Variants in DHRS7B observed in about 807,000 individuals in gnomAD.
DHRS7B encodes the protein dehydrogenase/reductase 7B, also known as peroxisomal reductase activating PPAR-gamma.
In DHRS7B, 24 loss-of-function variants were observed where a neutral mutation model predicts 26.4. The ratio of observed to expected loss-of-function variants is 0.91; its 90% CI spans 0.66 to 1.28. The LOEUF is 1.28. Among genes scored for constraint, DHRS7B ranks in the 50% most tolerant of loss-of-function variants. DHRS7B has a pLI of 0.00. For synonymous variants in DHRS7B, 142 were observed against 166.4 expected (o/e 0.85, Z 1.13); for missense variants, 368 against 419.4 (o/e 0.88, Z 1.07).
In DHRS7B at chr17:21,147,331, G is replaced by A. The variant is rs1482214780; in HGVS notation, c.20+20340G>A. Among the ~76,000 whole-genome samples the A allele has an allele frequency of 3.9e-5, 6 of 152,138 alleles. No individual in the cohort carries two copies. The East Asian group carries it at 9.6e-4, about 24-fold the overall frequency. On this transcript the variant is annotated intron_variant, in intron 1 of 6. Coordinates refer to ENST00000395511, the MANE Select transcript of DHRS7B (RefSeq NM_015510.5). The stretch of plus-strand genomic sequence containing the variant: ...AAGTACACATGGAAGTCAGCCCACT[G>A]AACATGGGCTGACAAAAAGAGTGGA...
intron 1 of DHRS7B, among the ~76,000 whole-genome samples, chr17:21,141,760 A>G (rs991916557): frequency 6.6e-6 from 1 of 151,796 alleles, no homozygotes; most frequent in African/African-American, 2.4e-5. Context: ...GAGGAGTTAT[A>G]CAGCAAAATA....
At chr17:21,166,871 C>T (rs1443762600) in intron 1 of DHRS7B, among the ~76,000 whole-genome samples, 1 of 152,162 alleles carries the variant, frequency 6.6e-6, no homozygotes, top group African/African-American at 2.4e-5. Flanking sequence ...TTCTTACAGA[C>T]CTGAAATTGT....
chr17:21,138,101 T>TATACACACACACACAC (rs1555536219), intron 1 of DHRS7B, among the ~76,000 whole-genome samples: 5 of 86,110 alleles, frequency 5.8e-5, no homozygotes, highest in Non-Finnish European at 8.1e-5. Context: ...TATATATATA[T>TATACACACACACACAC]ACACACACAC....
intron 1 of DHRS7B, among the ~76,000 whole-genome samples, chr17:21,142,288 C>T (rs951062083): frequency 6.6e-6 from 1 of 152,156 alleles, no homozygotes; most frequent in African/African-American, 2.4e-5. Context: ...TTCACAGTGT[C>T]TTTCCATACC....
chr17:21,153,754 A>C (rs533608246), intron 1 of DHRS7B, among the ~76,000 whole-genome samples: 1 of 152,288 alleles, frequency 6.6e-6, no homozygotes, highest in African/African-American at 2.4e-5. Context: ...GGGGAAGGGC[A>C]TGTAATCCCA....
At chr17:21,147,883 T>G (rs1973675848) in intron 1 of DHRS7B, among the ~76,000 whole-genome samples, 1 of 151,954 alleles carries the variant, frequency 6.6e-6, no homozygotes, top group African/African-American at 2.4e-5. Flanking sequence ...TGTAGGAGGT[T>G]TCACCTACAG....
At chr17:21,172,434 C>CG in intron 2 of DHRS7B, 1 of 102,334 alleles carries the variant, frequency 9.8e-6, no homozygotes, top group Non-Finnish European at 1.8e-5. Flanking sequence ...CAGCCTGGCC[C>CG]CGGGGGTGGG....
At position 21,183,697 on chromosome 17, in the gene DHRS7B, T is replaced by C. The variant is rs777434900; in HGVS notation, c.413T>C (p.Ile138Thr). The C allele has an allele frequency of 1.2e-6, 2 of 1,614,206 alleles. No individual in the cohort carries two copies. The highest frequency in any genetic ancestry group is 2.2e-5 in the South Asian group (2 of 91,088). ...EILQCFGYVD[I>T]LVNNAGISYR... ...CTGCAGTGCTTTGGCTATGTCGACATACTTGTCAACAATGCTGGGATCAGC... is the reference window on the plus strand; with the variant it reads ...CTGCAGTGCTTTGGCTATGTCGACACACTTGTCAACAATGCTGGGATCAGC... Residue 138 changes from isoleucine to threonine, a missense_variant, in exon 4 of 7, where the codon ATA becomes ACA. Coordinates refer to ENST00000395511, the MANE Select transcript of DHRS7B (RefSeq NM_015510.5).
intron 1 of DHRS7B, among the ~76,000 whole-genome samples, chr17:21,144,048 G>A (rs1973587076): frequency 6.6e-6 from 1 of 152,202 alleles, no homozygotes; most frequent in Non-Finnish European, 1.5e-5. Context: ...TATGGCAGGA[G>A]GCTCCAGACA....
chr17:21,129,321 T>C (rs868228338), intron 1 of DHRS7B, among the ~76,000 whole-genome samples: 9 of 151,742 alleles, frequency 5.9e-5, no homozygotes, highest in Middle Eastern at 6.8e-3. Context: ...AAGGACTGAG[T>C]TGGAGTTAAA....
At chr17:21,131,555 A>C (rs1284948527) in intron 1 of DHRS7B, among the ~76,000 whole-genome samples, 1 of 152,210 alleles carries the variant, frequency 6.6e-6, no homozygotes, top group Admixed American at 6.5e-5. Context: ...CTGCTTTATC[A>C]GCAAGGTCTT....
chr17:21,155,304 C>A (rs934674809), intron 1 of DHRS7B, among the ~76,000 whole-genome samples: 1 of 152,126 alleles, frequency 6.6e-6, no homozygotes, highest in Non-Finnish European at 1.5e-5. Flanking sequence ...GAAAAAAGAT[C>A]CACCATACTA....
intron 1 of DHRS7B, among the ~76,000 whole-genome samples, chr17:21,131,525 GC>G (rs1849046290): frequency 6.6e-6 from 1 of 152,182 alleles, no homozygotes; most frequent in Admixed American, 6.5e-5. Flanking sequence ...GTGGGTTTTG[GC>G]CGGCTTCTTT....
At chr17:21,190,910 T>C in intron 6 of DHRS7B, 38 bp from the exon 7 acceptor site, 1 of 1,608,812 alleles carries the variant, frequency 6.2e-7, no homozygotes, top group Non-Finnish European at 8.5e-7. Context: ...GACCTCTGCT[T>C]CCAAGTTCAT....
intron 1 of DHRS7B, among the ~76,000 whole-genome samples, chr17:21,150,289 G>A (rs542284598): frequency 1.1e-4 from 16 of 151,992 alleles, no homozygotes; most frequent in Non-Finnish European, 2.1e-4. Context: ...CTTCATGGGT[G>A]TAGAAATTGA....
intron 1 of DHRS7B, among the ~76,000 whole-genome samples, chr17:21,170,375 G>A (rs529466949): frequency 2.0e-5 from 3 of 152,310 alleles, no homozygotes; most frequent in Admixed American, 2.0e-4. Context: ...AGAACACCTG[G>A]TCAGAACTTC....
intron 3 of DHRS7B, among the ~76,000 whole-genome samples, chr17:21,178,603 G>A (rs777181986): frequency 1.3e-5 from 2 of 151,904 alleles, no homozygotes; most frequent in Non-Finnish European, 2.9e-5. Context: ...CCTTTTACCT[G>A]GCTAAGCTCT....
chr17:21,165,152 A>G (rs571542096), intron 1 of DHRS7B, among the ~76,000 whole-genome samples: 12 of 152,224 alleles, frequency 7.9e-5, no homozygotes, highest in Admixed American at 7.2e-4. Context: ...TGTGTTGCAC[A>G]GCAAGTATGC....
At chr17:21,172,749 G>A (rs1469698168) in intron 2 of DHRS7B, among the ~76,000 whole-genome samples, 4 of 152,146 alleles carry the variant, frequency 2.6e-5, no homozygotes, top group Non-Finnish European at 5.9e-5. Flanking sequence ...TGCCTCAGCT[G>A]TTCCAGGGTC....
Sources: gnomAD v4.1 joint callset for allele counts (sites outside exome capture counted in the v4.1 genomes callset) on GRCh38, gnomAD v4.1.1 for gene constraint, MANE v1.5 for transcripts, NCBI Gene and HGNC (gene_info 2026-07-23, HGNC 2026-07-21) for gene names.